LIPC: variants seen among roughly 807,000 people sequenced by gnomAD.
LIPC encodes the protein lipase C, hepatic type, also known as hepatic triacylglycerol lipase.
LIPC carries 44 observed loss-of-function variants against 50.7 expected under a neutral mutation model. The observed-to-expected ratio is 0.87, with a 90% CI of 0.68 to 1.11. LIPC has a LOEUF of 1.11. Among genes scored for constraint, LIPC ranks in the 50% most tolerant of loss-of-function variants. The pLI, the probability that LIPC is intolerant of heterozygous loss-of-function variation, is 0.00. For synonymous variants in LIPC, 271 were observed against 256.4 expected, an observed-to-expected ratio of 1.06 and a Z score of -0.54; for missense variants, 697 against 648.2, an observed-to-expected ratio of 1.08 and a Z score of -0.82.
chr15:58,462,350 C>T (rs778826263), intron 1 of LIPC, among the ~76,000 whole-genome samples: 6 of 152,142 alleles, frequency 3.9e-5, no homozygotes, highest in South Asian at 2.1e-4. Flanking sequence ...AAATGAACAT[C>T]GGGATCCAGG....
chr15:58,547,991 T>A (rs1378279710), intron 5 of LIPC, among the ~76,000 whole-genome samples: 1 of 152,180 alleles, frequency 6.6e-6, no homozygotes, highest in African/African-American at 2.4e-5. Flanking sequence ...CTATAATAAA[T>A]TACACTAACC....
chr15:58,548,245 T>C (rs1285337766), intron 5 of LIPC, 85 bp from the exon 6 acceptor site: 2 of 1,594,530 alleles, frequency 1.3e-6, no homozygotes, highest in East Asian at 2.2e-5. Context: ...GCTAACCTCC[T>C]GTGGGATGAG....
At chr15:58,453,807 T>A (rs1448289828) in intron 1 of LIPC, among the ~76,000 whole-genome samples, 1 of 151,512 alleles carries the variant, frequency 6.6e-6, no homozygotes, top group African/African-American at 2.4e-5. Context: ...GGAGAATTGC[T>A]TGAGCCACAG....
At chr15:58,436,608 A>AT (rs1893305636) in intron 1 of LIPC, 1 of 389,686 alleles carries the variant, frequency 2.6e-6, no homozygotes, top group South Asian at 1.9e-5. Flanking sequence ...GCAGAGGGTC[A>AT]TTAAAATGAT....
intron 1 of LIPC, among the ~76,000 whole-genome samples, chr15:58,495,289 C>T (rs1315690347): frequency 6.6e-6 from 1 of 152,208 alleles, no homozygotes; most frequent in African/African-American, 2.4e-5. Context: ...CACTGAGCAC[C>T]TCTGGGCCTT....
At chr15:58,529,210 C>T (rs780815414) in intron 1 of LIPC, among the ~76,000 whole-genome samples, 21 of 152,166 alleles carry the variant, frequency 1.4e-4, no homozygotes, top group Non-Finnish European at 2.6e-4. Flanking sequence ...ATCAAAACAG[C>T]GCTTGGCAAC....
intron 6 of LIPC, among the ~76,000 whole-genome samples, chr15:58,550,407 G>A (rs1362020484): frequency 6.6e-6 from 1 of 152,188 alleles, no homozygotes; most frequent in Non-Finnish European, 1.5e-5. Context: ...AAGAGCAGTA[G>A]GCATGAACCA....
At chr15:58,549,400 A>T (rs191601399) in intron 6 of LIPC, among the ~76,000 whole-genome samples, 3 of 152,240 alleles carry the variant, frequency 2.0e-5, no homozygotes, top group African/African-American at 7.2e-5. Flanking sequence ...TGGAGAATGT[A>T]AACAGGCCGT....
intron 6 of LIPC, among the ~76,000 whole-genome samples, chr15:58,552,160 C>T (rs1893785065): frequency 6.6e-6 from 1 of 152,178 alleles, no homozygotes; most frequent in African/African-American, 2.4e-5. Context: ...ATGAGGTAAC[C>T]GGGTGGAGAG....
Position 58,545,765 on chromosome 15 carries a change from T to C in LIPC, c.598T>C (p.Phe200Leu). The C allele has an allele frequency of 6.2e-7, 1 of 1,614,206 alleles. No individual in the cohort carries two copies. The highest frequency in any genetic ancestry group is 1.7e-4 in the Middle Eastern group (1 of 6,056). The change falls in exon 5 of 9, where the codon TTT becomes CTT. Residue 200 changes from phenylalanine (F) to leucine (L), a missense_variant. Phe to Leu is a conservative substitution (Grantham distance 22). Transcript: ENST00000299022. ...AGGGCTGGATGCCGCGGGACCTTTGTTTGAGGGAAGTGCCCCCAGCAATCG... is the reference window on the plus strand; with the variant it reads ...AGGGCTGGATGCCGCGGGACCTTTGCTTGAGGGAAGTGCCCCCAGCAATCG... Reference protein sequence around the residue: ...ITGLDAAGPLFEGSAPSNRLS... With the variant: ...ITGLDAAGPLLEGSAPSNRLS...
chr15:58,522,579 A>T (rs1191840705), intron 1 of LIPC: 1 of 152,772 alleles, frequency 6.5e-6, no homozygotes, highest in African/African-American at 2.4e-5. Context: ...AACAGGCCCG[A>T]CTCCACAGCC....
In LIPC at chr15:58,431,995, A is replaced by G. The variant is rs1893137784; in HGVS notation, c.-38A>G. On this transcript the variant is annotated 5_prime_UTR_variant, in exon 1 of 9. Transcript: ENST00000299022. ...CATTGTGGTCTCTTTGGCTTCAGAA[A>G]TTACCAAGAAAGCCTGGACCCCGGG... The G allele has an allele frequency of 3.4e-6, 5 of 1,477,138 alleles. No individual in the cohort carries two copies. Among genetic ancestry groups the G allele is most frequent in the Non-Finnish European group, 4.7e-6 (5 of 1,055,160 alleles). 91.5% of individuals were successfully genotyped at this position (1,477,138 alleles called of 1,614,324 possible). A position where few individuals can be genotyped will look rare whatever the true frequency, so the allele number is the denominator to read the frequency against.
At chr15:58,505,340 C>T (rs1414514525) in intron 1 of LIPC, among the ~76,000 whole-genome samples, 1 of 152,214 alleles carries the variant, frequency 6.6e-6, no homozygotes, top group Non-Finnish European at 1.5e-5. Flanking sequence ...TCTCAGTTTC[C>T]TCATCTTTAA....
At chr15:58,456,913 AT>A (rs1198560779) in intron 1 of LIPC, among the ~76,000 whole-genome samples, 1 of 152,212 alleles carries the variant, frequency 6.6e-6, no homozygotes, top group African/African-American at 2.4e-5. Flanking sequence ...CAACTCGTTT[AT>A]TTTACTAATA....
chr15:58,565,418 C>G (rs1894331115), intron 8 of LIPC: 1 of 1,447,972 alleles, frequency 6.9e-7, no homozygotes, highest in Admixed American at 2.5e-5. Flanking sequence ...CTGGGGCACA[C>G]CCATGTGGTA....
chr15:58,510,567 G>C (rs1179994165), intron 1 of LIPC, among the ~76,000 whole-genome samples: 8 of 152,220 alleles, frequency 5.3e-5, no homozygotes, highest in African/African-American at 1.9e-4. Context: ...TGGTGCACAT[G>C]CAAGAGGATT....
intron 1 of LIPC, among the ~76,000 whole-genome samples, chr15:58,482,315 G>C (rs1169667577): frequency 3.9e-5 from 6 of 152,126 alleles, no homozygotes; most frequent in African/African-American, 1.4e-4. Flanking sequence ...ACAATGAAGT[G>C]AACTGGGAGA....
At chr15:58,538,570 T>C in intron 2 of LIPC, 53 bp downstream of exon 2, 4 of 1,555,298 alleles carry the variant, frequency 2.6e-6, no homozygotes, top group Non-Finnish European at 3.5e-6. Context: ...TTTCTTTTTT[T>C]CTTTCTAGCG....
At chr15:58,519,559 C>A (rs1352283748) in intron 1 of LIPC, among the ~76,000 whole-genome samples, 1 of 152,224 alleles carries the variant, frequency 6.6e-6, no homozygotes, top group Non-Finnish European at 1.5e-5. Context: ...TCCTCCCACC[C>A]CAACCATCAA....
Sources: gnomAD v4.1 joint callset for allele counts (sites outside exome capture counted in the v4.1 genomes callset) on GRCh38, gnomAD v4.1.1 for gene constraint, MANE v1.5 for transcripts, NCBI Gene and HGNC (gene_info 2026-07-23, HGNC 2026-07-21) for gene names.